Variants in FAM135B observed in about 807,000 individuals in gnomAD.
The protein encoded by FAM135B is family with sequence similarity 135 member B.
FAM135B carries 43 observed loss-of-function variants against 127.7 expected under a neutral mutation model. The ratio of observed to expected loss-of-function variants is 0.34; its 90% CI spans 0.26 to 0.43. The LOEUF (loss-of-function observed/expected upper bound fraction) is 0.43, where lower values mean the gene tolerates loss of function less well. FAM135B is among the 20% of genes least tolerant of loss of function. FAM135B has a pLI of 1.00. For missense variants in FAM135B, 1,558 were observed against 1,725.6 expected (o/e 0.90, Z 1.72); for synonymous variants, 670 against 665.1 (o/e 1.01, Z -0.11).
intron 2 of FAM135B, among the ~76,000 whole-genome samples, chr8:138,357,780 T>A (rs1471530697): frequency 1.3e-5 from 2 of 152,180 alleles, no homozygotes; most frequent in African/African-American, 4.8e-5. Context: ...TAGTATATTT[T>A]ATTGACTATA....
At chr8:138,446,630 C>T (rs1442986215) in intron 1 of FAM135B, among the ~76,000 whole-genome samples, 2 of 152,080 alleles carry the variant, frequency 1.3e-5, no homozygotes, top group Non-Finnish European at 2.9e-5. Flanking sequence ...GGATCCCTTC[C>T]TTACACCTTA....
chr8:138,300,061 G>A (rs117606618), intron 3 of FAM135B, among the ~76,000 whole-genome samples: 4,188 of 151,982 alleles, frequency 0.028, 88 homozygotes, highest in Admixed American at 0.045. Flanking sequence ...TCCACATCCC[G>A]GGTTCAAGTG....
intron 3 of FAM135B, among the ~76,000 whole-genome samples, chr8:138,281,995 C>T (rs190566371): frequency 4.6e-5 from 7 of 152,200 alleles, no homozygotes; most frequent in African/African-American, 1.2e-4. Flanking sequence ...CTTTTCCAAC[C>T]GTAATGTAAG....
intron 1 of FAM135B, among the ~76,000 whole-genome samples, chr8:138,451,493 G>A (rs1836479453): frequency 6.6e-6 from 1 of 152,198 alleles, no homozygotes; most frequent in Admixed American, 6.5e-5. Flanking sequence ...GAGTACAGGT[G>A]TCCTATGAGT....
At chr8:138,342,849 C>T (rs1829148904) in intron 2 of FAM135B, among the ~76,000 whole-genome samples, 2 of 152,154 alleles carry the variant, frequency 1.3e-5, no homozygotes, top group Non-Finnish European at 2.9e-5. Flanking sequence ...AGCATGTATG[C>T]CCACAAACAT....
At chr8:138,450,893 C>G (rs1836446363) in intron 1 of FAM135B, 1 of 152,212 alleles carries the variant, frequency 6.6e-6, no homozygotes, top group African/African-American at 2.4e-5. Context: ...CGTGAATTAT[C>G]TAATTTACAC....
chr8:138,142,903 C>A, intron 16 of FAM135B, 109 bp downstream of exon 16: 1 of 639,316 alleles, frequency 1.6e-6, no homozygotes. Context: ...CACAAGTTAG[C>A]TTAGCTCAGT....
chr8:138,410,330 G>T (rs1384373000), intron 1 of FAM135B, among the ~76,000 whole-genome samples: 2 of 152,124 alleles, frequency 1.3e-5, no homozygotes, highest in East Asian at 3.9e-4. Flanking sequence ...CCTGTTCCTG[G>T]TGTCGATGCC....
intron 1 of FAM135B, among the ~76,000 whole-genome samples, chr8:138,451,331 T>A (rs1326668859): frequency 6.6e-6 from 1 of 152,222 alleles, no homozygotes; most frequent in Non-Finnish European, 1.5e-5. Context: ...TTGTTGCATA[T>A]GCCGTATTGT....
At chr8:138,454,007 T>C (rs1243234342) in intron 1 of FAM135B, among the ~76,000 whole-genome samples, 2 of 151,982 alleles carry the variant, frequency 1.3e-5, no homozygotes, top group African/African-American at 4.8e-5. Context: ...GTAATATAGA[T>C]GGTCGAGCTA....
At chr8:138,491,789 T>C (rs1179752033) in intron 1 of FAM135B, among the ~76,000 whole-genome samples, 1 of 152,182 alleles carries the variant, frequency 6.6e-6, no homozygotes, top group Non-Finnish European at 1.5e-5. Flanking sequence ...GGGCTAATGA[T>C]ATGCTAAGGT....
At chr8:138,275,459 A>G (rs778120379) in intron 3 of FAM135B, among the ~76,000 whole-genome samples, 2 of 152,184 alleles carry the variant, frequency 1.3e-5, no homozygotes, top group Non-Finnish European at 2.9e-5. Context: ...CCAAGGTGGG[A>G]GGATCACTTG....
At chr8:138,391,484 G>A (rs184242554) in intron 1 of FAM135B, among the ~76,000 whole-genome samples, 45 of 151,918 alleles carry the variant, frequency 3.0e-4, no homozygotes, top group African/African-American at 4.1e-4. Context: ...TTCATAATTC[G>A]CTCCTCCCTA....
chr8:138,443,879 C>T (rs1356618508), intron 1 of FAM135B, among the ~76,000 whole-genome samples: 1 of 152,006 alleles, frequency 6.6e-6, no homozygotes, highest in Non-Finnish European at 1.5e-5. Flanking sequence ...GAGTCAAGAC[C>T]CATCAATGTG....
chr8:138,324,531 T>C (rs1193115847), intron 2 of FAM135B, among the ~76,000 whole-genome samples: 1 of 152,164 alleles, frequency 6.6e-6, no homozygotes, highest in African/African-American at 2.4e-5. Context: ...TTCCCTCAAT[T>C]ACCAAAACCA....
intron 4 of FAM135B, among the ~76,000 whole-genome samples, chr8:138,262,903 G>GGA (rs1409817090): frequency 1.0e-5 from 1 of 95,366 alleles, no homozygotes; most frequent in Non-Finnish European, 1.9e-5. Context: ...CTCTGTCTCA[G>GGA]AAAAAAAAAA....
chr8:138,305,549 T>TGAGACCCGCC (rs1826180886), intron 3 of FAM135B, among the ~76,000 whole-genome samples: 1 of 152,180 alleles, frequency 6.6e-6, no homozygotes, highest in South Asian at 2.1e-4. Flanking sequence ...AAAACAAATC[T>TGAGACCCGCC]GAGACCCGCA....
chr8:138,242,606 C>T lies in FAM135B; in HGVS notation c.669+336G>A, dbSNP rs1323371408. ...TGAAAGCGGGAGCCAGGTTTTGAAA[C>T]CAGACATGGCCTTCAACGTTATCAC... is the stretch of plus-strand genomic sequence containing the variant. On this transcript the variant is annotated intron_variant, in intron 7 of 19. Transcript: ENST00000395297. This position sits in a 1 kb window ranked among gnomAD's most constrained non-coding sequence, Gnocchi z 9.6. Among the ~76,000 whole-genome samples the T allele has an allele frequency of 6.6e-6, 1 of 152,124 alleles. No individual in the cohort carries two copies. The highest frequency in any genetic ancestry group is 1.5e-5 in the Non-Finnish European group (1 of 68,036).
At chr8:138,236,569 A>T (rs1820293718) in intron 7 of FAM135B, among the ~76,000 whole-genome samples, 1 of 152,198 alleles carries the variant, frequency 6.6e-6, no homozygotes, top group Non-Finnish European at 1.5e-5. Flanking sequence ...TTAAAACTCC[A>T]GCTTGGTCCC....
Sources: allele counts gnomAD v4.1 joint callset (sites outside exome capture counted in the v4.1 genomes callset), GRCh38; gene constraint gnomAD v4.1.1; non-coding constraint Gnocchi (gnomAD v3.1); transcripts MANE v1.5; gene names NCBI Gene and HGNC (gene_info 2026-07-23, HGNC 2026-07-21).